SPTLC2: variants seen among roughly 807,000 people sequenced by gnomAD.
SPTLC2 encodes serine palmitoyltransferase long chain base subunit 2, also known as serine palmitoyltransferase 2.
In SPTLC2, 21 loss-of-function variants were observed where a neutral mutation model predicts 62.0. The ratio of observed to expected loss-of-function variants is 0.34; its 90% CI spans 0.24 to 0.49. The LOEUF (loss-of-function observed/expected upper bound fraction) is 0.49. Among genes scored for constraint, SPTLC2 ranks in the 20% least tolerant of loss-of-function variants. The pLI is 0.99. For missense variants in SPTLC2, 511 were observed against 713.0 expected (o/e 0.72, Z 3.23); for synonymous variants, 261 against 261.8 (o/e 1.00, Z 0.03).
chr14:77,608,931 T>TAAC (rs2079920251), intron 1 of SPTLC2, among the ~76,000 whole-genome samples: 1 of 141,480 alleles, frequency 7.1e-6, no homozygotes, highest in African/African-American at 2.7e-5. Flanking sequence ...ATAATAATAA[T>TAAC]AATAATAATA....
intron 6 of SPTLC2, among the ~76,000 whole-genome samples, chr14:77,561,052 T>G (rs1454937583): frequency 6.6e-6 from 1 of 151,030 alleles, no homozygotes; most frequent in Non-Finnish European, 1.5e-5. Context: ...CATATAATGC[T>G]TAGAGGCAAT....
At chr14:77,610,628 GT>G (rs2079930202) in intron 1 of SPTLC2, among the ~76,000 whole-genome samples, 1 of 152,066 alleles carries the variant, frequency 6.6e-6, no homozygotes, top group Non-Finnish European at 1.5e-5. Context: ...CACACCCATA[GT>G]ATCAGTACAA....
intron 3 of SPTLC2, 100 bp downstream of exon 3, chr14:77,578,855 C>A: frequency 7.7e-7 from 1 of 1,294,736 alleles, no homozygotes. Flanking sequence ...TCAGCTGCTA[C>A]TCCTATTTTG....
In SPTLC2 at chr14:77,616,565, G is replaced by A; in HGVS notation, c.15C>T (p.Pro5=). MRPE[P]GGCCCRRTVR... ...CCGTGCGGCGGCAGCAGCAGCCTCC[G>A]GGCTCCGGCCGCATCTTCCTGGCAG... Residue 5 remains proline (P), a synonymous_variant, in exon 1 of 12, where the codon CCC becomes CCT. Transcript: ENST00000216484. 6.5e-7 allele frequency: 1 copy of A among 1,537,570 alleles called. No individual in the cohort carries two copies.
rs1233350615 is a variant in SPTLC2, at chr14:77,509,620, A to G, written c.*2664T>C. 2 of 332,894 alleles carry G rather than the reference A, an allele frequency of 6.0e-6. No homozygotes were observed. The highest frequency in any genetic ancestry group is 1.1e-5 in the Non-Finnish European group (2 of 185,444). The allele number at this position is 332,894 out of a possible 1,614,324, so 20.6% of individuals were successfully genotyped here. On this transcript the variant is annotated 3_prime_UTR_variant, in exon 12 of 12. Transcript: ENST00000216484. The stretch of plus-strand genomic sequence containing the variant: ...GTAAGAAACTACTCTTGTATGCCTC[A>G]AATCGACTTATTCTCAATGACTGTA...
chr14:77,612,244 C>A (rs1026864434), intron 1 of SPTLC2, among the ~76,000 whole-genome samples: 1 of 152,194 alleles, frequency 6.6e-6, no homozygotes, highest in South Asian at 2.1e-4. Context: ...TTAAATCAAC[C>A]AATTAACTGT....
chr14:77,602,548 C>CTTTT (rs60014262), intron 1 of SPTLC2, among the ~76,000 whole-genome samples: 1 of 137,512 alleles, frequency 7.3e-6, no homozygotes, highest in African/African-American at 2.6e-5. Context: ...AGGTTTGTTT[C>CTTTT]TTTTTTTTTT....
Position 77,597,284 on chromosome 14 carries a change from C to T in SPTLC2, c.229G>A (p.Gly77Arg). ...CCAAAGAGGGTGAGTACGCCATACC[C>T]CACATACGTGAGCACAGCAACCAGC... ...PMLVAVLTYVGYGVLTLFGYL... is the reference protein window; with the variant it reads ...PMLVAVLTYVRYGVLTLFGYL... The change falls in exon 2 of 12, where the codon GGG becomes AGG. Residue 77 changes from glycine (G) to arginine (R), a missense_variant. By Grantham distance (125) the Gly-to-Arg change is moderately radical (BLOSUM62 -2). Transcript: ENST00000216484. The T allele has an allele frequency of 6.2e-7, 1 of 1,614,140 alleles. No homozygotes were observed. The highest frequency in any genetic ancestry group is 8.5e-7 in the Non-Finnish European group (1 of 1,180,042).
At chr14:77,606,242 G>A (rs2079904303) in intron 1 of SPTLC2, among the ~76,000 whole-genome samples, 1 of 152,128 alleles carries the variant, frequency 6.6e-6, no homozygotes, top group Non-Finnish European at 1.5e-5. Context: ...AGGCAGGAGA[G>A]CCGCTTGAAC....
intron 2 of SPTLC2, among the ~76,000 whole-genome samples, chr14:77,582,807 T>C (rs991644468): frequency 7.2e-5 from 11 of 152,110 alleles, no homozygotes; most frequent in African/African-American, 2.4e-4. Context: ...CATAGAATGG[T>C]AGGAGAGAGG....
chr14:77,579,246 T>C (rs2079734431), intron 2 of SPTLC2, 137 bp from the exon 3 acceptor site: 4 of 850,084 alleles, frequency 4.7e-6, no homozygotes, highest in Admixed American at 4.6e-5. Flanking sequence ...GATTGTGTAA[T>C]GGACAAGTCA....
intron 8 of SPTLC2, 80 bp downstream of exon 8, chr14:77,555,220 C>T (rs2079576075): frequency 1.7e-5 from 26 of 1,557,334 alleles, no homozygotes; most frequent in Non-Finnish European, 2.2e-5. Context: ...CAGTTCAGGG[C>T]CCCATCTGCT....
chr14:77,528,678 T>C (rs1462991267), intron 9 of SPTLC2, among the ~76,000 whole-genome samples: 1 of 152,208 alleles, frequency 6.6e-6, no homozygotes, highest in Non-Finnish European at 1.5e-5. Flanking sequence ...CAGGATAAAA[T>C]ATGGAAAAAT....
chr14:77,525,472 C>G (rs1026286715), intron 9 of SPTLC2, among the ~76,000 whole-genome samples: 6 of 151,570 alleles, frequency 4.0e-5, no homozygotes, highest in African/African-American at 1.2e-4. Flanking sequence ...TGCCTGTAAT[C>G]CCAGCTACTC....
chr14:77,556,381 G>A (rs116108899), intron 7 of SPTLC2, among the ~76,000 whole-genome samples: 2,267 of 151,860 alleles, frequency 0.015, 56 homozygotes, highest in African/African-American at 0.052. Context: ...CTTAATTCAC[G>A]ACAAAAATAA....
At chr14:77,594,571 G>A (rs2079835686) in intron 2 of SPTLC2, among the ~76,000 whole-genome samples, 1 of 152,096 alleles carries the variant, frequency 6.6e-6, no homozygotes, top group Non-Finnish European at 1.5e-5. Context: ...GACCAGCCTG[G>A]GCAACATGGC....
chr14:77,552,338 C>A lies in SPTLC2; in HGVS notation c.1177-116G>T. On this transcript the variant is annotated intron_variant, in intron 8 of 11. Coordinates refer to ENST00000216484, the MANE Select transcript of SPTLC2 (RefSeq NM_004863.4). ...CACTTCAATGGCACTGGAATAGGGA[C>A]ACTAATCTGAGATACAAGGTCAACC... 2 of 1,248,542 alleles carry A rather than the reference C, an allele frequency of 1.6e-6. No homozygotes were observed. The highest frequency in any genetic ancestry group is 2.3e-6 in the Non-Finnish European group (2 of 877,304). The allele number at this position is 1,248,542 out of a possible 1,614,324, so 77.3% of individuals were successfully genotyped here.
chr14:77,591,171 T>C (rs1305130492), intron 2 of SPTLC2, among the ~76,000 whole-genome samples: 3 of 152,328 alleles, frequency 2.0e-5, no homozygotes, highest in South Asian at 4.1e-4. Flanking sequence ...TGCTACAACA[T>C]GAACTTCAAA....
chr14:77,591,688 T>C (rs1254532699), intron 2 of SPTLC2, among the ~76,000 whole-genome samples: 1 of 98,634 alleles, frequency 1.0e-5, no homozygotes, highest in Admixed American at 1.0e-4. Flanking sequence ...TAAGTAGTGC[T>C]CTTCTGTATG....
Sources: allele counts gnomAD v4.1 joint callset (sites outside exome capture counted in the v4.1 genomes callset), GRCh38; gene constraint gnomAD v4.1.1; transcripts MANE v1.5; gene names NCBI Gene and HGNC (gene_info 2026-07-23, HGNC 2026-07-21).